Variants in FSTL4 observed in about 807,000 individuals in gnomAD.
The protein encoded by FSTL4 is follistatin like 4.
FSTL4 carries 28 observed loss-of-function variants against 78.2 expected under a neutral mutation model. That is an observed-to-expected ratio of 0.36 (90% confidence interval 0.27 to 0.49). The LOEUF (loss-of-function observed/expected upper bound fraction) is 0.49, where lower values mean the gene tolerates loss of function less well. Among genes scored for constraint, FSTL4 ranks in the 20% least tolerant of loss-of-function variants. FSTL4 has a pLI of 0.98. For synonymous variants in FSTL4, 422 were observed against 440.5 expected (o/e 0.96, Z 0.53); for missense variants, 922 against 1,084.9 (o/e 0.85, Z 2.11).
At chr5:133,324,379 G>T (rs1000424511) in intron 4 of FSTL4, among the ~76,000 whole-genome samples, 1 of 152,232 alleles carries the variant, frequency 6.6e-6, no homozygotes, top group Non-Finnish European at 1.5e-5. Flanking sequence ...CAGGGGTGAG[G>T]CACCTGCATG....
the FSTL4 span, among the ~76,000 whole-genome samples, chr5:133,751,262 TGA>T: frequency 6.6e-6 from 1 of 152,214 alleles, no homozygotes; most frequent in South Asian, 2.1e-4. Context: ...TGCTTCTCAC[TGA>T]GAGTTTGGCA....
rs138903078 is a variant in FSTL4, at chr5:133,503,849, G to A, written c.160+63337C>T. Among the ~76,000 whole-genome samples, 94 of 152,350 alleles carry A rather than the reference G, an allele frequency of 6.2e-4. 2 individuals are homozygous for A. The East Asian group carries it at 0.015, about 25-fold the overall frequency. ...CACACTGCTATGAAGAACTGCCAGA[G>A]ACTGGATAAATTATAAAGGAAAGAG... On this transcript the variant is annotated intron_variant, in intron 3 of 15. Transcript: ENST00000265342.
chr5:133,374,199 A>G (rs1755380567), intron 4 of FSTL4, among the ~76,000 whole-genome samples: 2 of 152,180 alleles, frequency 1.3e-5, no homozygotes, highest in Non-Finnish European at 2.9e-5. Context: ...CCTGGGCACA[A>G]AGGATTTTAT....
intron 4 of FSTL4, chr5:133,333,978 G>A (rs938644524): frequency 7.9e-5 from 12 of 152,256 alleles, no homozygotes; most frequent in African/African-American, 2.9e-4. Flanking sequence ...GGCATTGGAA[G>A]GGCCAGGCCC....
intron 4 of FSTL4, among the ~76,000 whole-genome samples, chr5:133,320,544 C>A (rs1754022141): frequency 6.6e-6 from 1 of 152,206 alleles, no homozygotes; most frequent in South Asian, 2.1e-4. Context: ...CCGAAATCCA[C>A]CTCCCAGATG....
chr5:133,813,750 A>C, the FSTL4 span, among the ~76,000 whole-genome samples: 1 of 152,358 alleles, frequency 6.6e-6, no homozygotes, highest in Admixed American at 6.5e-5. Context: ...AAACAGAAGC[A>C]GTGTTTCTCC....
At chr5:133,277,726 C>T (rs6898849) in intron 6 of FSTL4, among the ~76,000 whole-genome samples, 34,268 of 152,048 alleles carry the variant, frequency 0.23, 4,065 homozygotes, top group South Asian at 0.28. Context: ...AGCAGCCTCA[C>T]GAGTGGGGCT....
intron 7 of FSTL4, among the ~76,000 whole-genome samples, chr5:133,233,845 C>T (rs1011817088): frequency 6.6e-6 from 1 of 152,206 alleles, no homozygotes; most frequent in Non-Finnish European, 1.5e-5. Flanking sequence ...ACTAGGCCCA[C>T]GTGTCCCCCC....
chr5:133,328,354 T>C (rs1262254115), intron 4 of FSTL4, among the ~76,000 whole-genome samples: 1 of 152,232 alleles, frequency 6.6e-6, no homozygotes, highest in African/African-American at 2.4e-5. Context: ...CTGGTTCAAT[T>C]GATGTTGCTA....
chr5:133,730,196 A>T, the FSTL4 span, among the ~76,000 whole-genome samples: 3 of 152,192 alleles, frequency 2.0e-5, no homozygotes, highest in Non-Finnish European at 4.4e-5. Context: ...GGGAAGATAT[A>T]ACTGTGCCAT....
intron 2 of FSTL4, among the ~76,000 whole-genome samples, chr5:133,579,407 G>A (rs1580801730): frequency 6.6e-6 from 1 of 152,312 alleles, no homozygotes; most frequent in South Asian, 2.1e-4. Flanking sequence ...CACAGGGACA[G>A]CCTGTGATGC....
At chr5:133,793,371 A>T in the FSTL4 span, among the ~76,000 whole-genome samples, 1 of 152,280 alleles carries the variant, frequency 6.6e-6, no homozygotes, top group Non-Finnish European at 1.5e-5. Flanking sequence ...GCAAAGCACC[A>T]TGTGAGCAAT....
intron 3 of FSTL4, among the ~76,000 whole-genome samples, chr5:133,563,093 T>C (rs1219365694): frequency 1.3e-5 from 2 of 152,210 alleles, no homozygotes; most frequent in East Asian, 3.8e-4. Context: ...GCAGCTCATA[T>C]AGGGAGGTCC....
chr5:133,615,642 C>T (rs1302480756), upstream of FSTL4, among the ~76,000 whole-genome samples: 2 of 152,188 alleles, frequency 1.3e-5, no homozygotes, highest in Admixed American at 6.5e-5. Context: ...AAGTTTTCCT[C>T]TAAGTCTAAT....
intron 3 of FSTL4, among the ~76,000 whole-genome samples, chr5:133,520,340 C>T (rs2642703): frequency 0.67 from 101,261 of 151,274 alleles, 34,011 homozygotes; most frequent in African/African-American, 0.72. Flanking sequence ...GAGAAAGCCA[C>T]TCCACTCAAC....
intron 3 of FSTL4, among the ~76,000 whole-genome samples, chr5:133,437,327 A>T (rs1052427775): frequency 3.9e-5 from 6 of 152,170 alleles, no homozygotes; most frequent in Admixed American, 2.0e-4. Context: ...GCACTTGGGC[A>T]CTATTTCAAC....
chr5:133,314,595 C>T (rs1753860775), intron 5 of FSTL4, among the ~76,000 whole-genome samples: 1 of 145,084 alleles, frequency 6.9e-6, no homozygotes, highest in Non-Finnish European at 1.5e-5. Flanking sequence ...GGGAGCCATT[C>T]TCTCCAGGGA....
chr5:133,796,442 C>A, the FSTL4 span, among the ~76,000 whole-genome samples: 1 of 152,134 alleles, frequency 6.6e-6, no homozygotes, highest in Admixed American at 6.5e-5. Flanking sequence ...AAAAATCAGG[C>A]CACACACAGA....
At chr5:133,488,790 G>C (rs565906474) in intron 3 of FSTL4, among the ~76,000 whole-genome samples, 3 of 152,282 alleles carry the variant, frequency 2.0e-5, no homozygotes, top group Middle Eastern at 3.4e-3. Flanking sequence ...AATGAGCCAT[G>C]AGTGCTTCAG....
Sources: allele counts gnomAD v4.1 joint callset (sites outside exome capture counted in the v4.1 genomes callset), GRCh38; gene constraint gnomAD v4.1.1; transcripts MANE v1.5; gene names NCBI Gene and HGNC (gene_info 2026-07-23, HGNC 2026-07-21).